FBLN1: variants seen among roughly 807,000 people sequenced by gnomAD.
FBLN1 encodes fibulin 1.
FBLN1 carries 34 observed loss-of-function variants against 89.7 expected under a neutral mutation model. That is an observed-to-expected ratio of 0.38 (90% CI 0.29 to 0.50). The LOEUF (loss-of-function observed/expected upper bound fraction) is 0.50. Ranked by LOEUF, FBLN1 falls within the 20% of genes least tolerant of loss-of-function variation. The pLI is 0.92. For synonymous variants in FBLN1, 393 were observed against 391.3 expected (o/e 1.00, Z -0.05); for missense variants, 777 against 988.1 (o/e 0.79, Z 2.86).
Position 45,600,294 on chromosome 22 carries a change from G to T in FBLN1, c.1973-13G>T, listed in dbSNP as rs763698530. The T allele has an allele frequency of 1.9e-6, 3 of 1,614,172 alleles. No homozygotes were observed. In the East Asian group the frequency reaches 6.7e-5, roughly 36 times the overall value. ...CCTTCTAACTTCCAGCACACCTTCT[G>T]CTCTCTCCGCAGGTGTCGTGCGCCA... On this transcript the variant is annotated splice_polypyrimidine_tract_variant and intron_variant, in intron 16 of 16. Transcript: ENST00000327858.
At chr22:45,586,260 G>A (rs1370945956) in intron 16 of FBLN1, among the ~76,000 whole-genome samples, 1 of 152,186 alleles carries the variant, frequency 6.6e-6, no homozygotes, top group African/African-American at 2.4e-5. Flanking sequence ...TCCAGCCCAG[G>A]ACCTGGCTAG....
chr22:45,585,110 TGA>T (rs146708801), intron 16 of FBLN1, among the ~76,000 whole-genome samples: 4 of 151,810 alleles, frequency 2.6e-5, no homozygotes, highest in African/African-American at 9.7e-5. Context: ...AGTTCATGTC[TGA>T]GAGAGAGAGA....
At position 45,503,925 on chromosome 22, in the gene FBLN1, G is replaced by A. The variant is rs565242284; in HGVS notation, c.79+861G>A. On this transcript the variant is annotated intron_variant, in intron 1 of 16. Coordinates refer to ENST00000327858, the MANE Select transcript of FBLN1 (RefSeq NM_006486.3). ...TCAAGGCCTGGTCCCTGGGGGGACT[G>A]CCACGAGGTCCTCTGATCAGAGCAG... 2.0e-3 allele frequency among the ~76,000 whole-genome samples: 302 copies of A among 152,238 alleles called. 1 individual carries two copies. Among genetic ancestry groups the A allele is most frequent in the Admixed American group, 4.0e-3 (61 of 15,300 alleles).
Position 45,562,531 on chromosome 22 carries a change from G to A in FBLN1, c.1697+11916G>A, listed in dbSNP as rs371263764. On this transcript the variant is annotated intron_variant, in intron 14 of 16. Transcript: ENST00000327858. This position sits in a 1 kb window ranked among gnomAD's most constrained non-coding sequence, Gnocchi z 7.8. ...GATAGTCATTTCATGGGTCACCTCC[G>A]AGACACAACCAAGAGCCCTGCGTAG... Among the ~76,000 whole-genome samples the A allele has an allele frequency of 5.6e-4, 85 of 152,170 alleles. No homozygotes were observed. The highest frequency in any genetic ancestry group is 1.8e-3 in the African/African-American group (76 of 41,426).
In FBLN1 at chr22:45,576,924, C is replaced by A. The variant is rs1005427293; in HGVS notation, c.1841-53C>A. 16 of 1,609,308 alleles carry A rather than the reference C, an allele frequency of 9.9e-6. No individual in the cohort carries two copies. Among genetic ancestry groups the A allele is most frequent in the Non-Finnish European group, 1.4e-5 (16 of 1,178,988 alleles). Reference sequence around the variant, plus strand: ...TGAGTTCCTGGGGACGAGGCTGGGACTGGGGCTGGGGCCAGGCTGTGCTGA... The same window carrying A: ...TGAGTTCCTGGGGACGAGGCTGGGAATGGGGCTGGGGCCAGGCTGTGCTGA... On this transcript the variant is annotated intron_variant, in intron 15 of 16. Coordinates refer to ENST00000327858, the MANE Select transcript of FBLN1 (RefSeq NM_006486.3). The surrounding 1 kb of genome is among the most constrained non-coding windows in gnomAD (Gnocchi z 5.2).
In FBLN1 at chr22:45,533,045, T is replaced by C. The variant is rs1476316214; in HGVS notation, c.545-18T>C. 1.9e-6 allele frequency: 3 copies of C among 1,610,970 alleles called. No homozygotes were observed. The highest frequency in any genetic ancestry group is 2.5e-6 in the Non-Finnish European group (3 of 1,177,276). On this transcript the variant is annotated intron_variant, in intron 5 of 16. Coordinates refer to ENST00000327858, the MANE Select transcript of FBLN1 (RefSeq NM_006486.3). The stretch of plus-strand genomic sequence containing the variant: ...CCTGGGTGCGTCCATCCCTGGCTCA[T>C]GCACGCTGTGCTTCCAGGAGGCGGG...
chr22:45,589,572 C>A (rs894914598), intron 16 of FBLN1, among the ~76,000 whole-genome samples: 2 of 152,214 alleles, frequency 1.3e-5, no homozygotes, highest in African/African-American at 4.8e-5. Context: ...GCAGGGGGCC[C>A]CTTTCTGCCC....
intron 2 of FBLN1, among the ~76,000 whole-genome samples, chr22:45,523,911 G>A (rs1438083105): frequency 6.6e-6 from 1 of 152,150 alleles, no homozygotes; most frequent in African/African-American, 2.4e-5. Flanking sequence ...CAATGCACAC[G>A]GGTTCCAGCA....
At chr22:45,510,280 C>T (rs1256989877) in intron 1 of FBLN1, among the ~76,000 whole-genome samples, 1 of 152,054 alleles carries the variant, frequency 6.6e-6, no homozygotes, top group Non-Finnish European at 1.5e-5. Context: ...TTGTAGAGGT[C>T]CCTGGATCCT....
chr22:45,542,132 T>A, intron 9 of FBLN1, 23 bp from the exon 10 acceptor site: 1 of 1,614,176 alleles, frequency 6.2e-7, no homozygotes, highest in Non-Finnish European at 8.5e-7. Context: ...GTTTTCATCA[T>A]GGCTTTCTTT....
chr22:45,595,519 C>T (rs1569270023), intron 16 of FBLN1, among the ~76,000 whole-genome samples: 1 of 152,192 alleles, frequency 6.6e-6, no homozygotes, highest in Admixed American at 6.5e-5. Context: ...TGTGGTCCTT[C>T]CTTTCTAGTT....
rs1382863195 is a variant in FBLN1 at position 45,556,401 on chromosome 22, C to T, written c.1697+5786C>T. Among the ~76,000 whole-genome samples the T allele has an allele frequency of 1.3e-5, 2 of 151,878 alleles. No homozygotes were observed. Among genetic ancestry groups the T allele is most frequent in the Non-Finnish European group, 2.9e-5 (2 of 67,998 alleles). On this transcript the variant is annotated intron_variant, in intron 14 of 16. Transcript: ENST00000327858. The surrounding 1 kb of genome is among the most constrained non-coding windows in gnomAD (Gnocchi z 4.6). Reference sequence around the variant, plus strand: ...ATTGATGACTGCCTTCTTCTACTACCCATTCTGTATTCCCTTTGCCTTCAG... The same window carrying T: ...ATTGATGACTGCCTTCTTCTACTACTCATTCTGTATTCCCTTTGCCTTCAG...
intron 16 of FBLN1, among the ~76,000 whole-genome samples, chr22:45,589,297 C>T (rs1350981069): frequency 6.6e-6 from 1 of 152,042 alleles, no homozygotes; most frequent in Non-Finnish European, 1.5e-5. Flanking sequence ...GGGGTTCCTG[C>T]TGTCATGACT....
chr22:45,580,743 C>T lies in FBLN1; in HGVS notation c.1972+3635C>T, dbSNP rs1201686604. Reference sequence around the variant, plus strand: ...TTGGATGTCCCAGAAAAACAATCAGCGCACAGGCCCCGGGGCTCGCCGTGT... The same window carrying T: ...TTGGATGTCCCAGAAAAACAATCAGTGCACAGGCCCCGGGGCTCGCCGTGT... On this transcript the variant is annotated intron_variant, in intron 16 of 16. Coordinates refer to ENST00000327858, the MANE Select transcript of FBLN1 (RefSeq NM_006486.3). This position sits in a 1 kb window ranked among gnomAD's most constrained non-coding sequence, Gnocchi z 8.6. Among the ~76,000 whole-genome samples the T allele has an allele frequency of 2.6e-5, 4 of 152,128 alleles. No individual in the cohort carries two copies. Among genetic ancestry groups the T allele is most frequent in the African/African-American group, 9.7e-5 (4 of 41,418 alleles).
chr22:45,544,424 C>T (rs969738463), intron 11 of FBLN1, among the ~76,000 whole-genome samples: 3 of 152,198 alleles, frequency 2.0e-5, no homozygotes, highest in Admixed American at 2.0e-4. Context: ...CTTTCCCCAC[C>T]CGCAGAGACA....
At chr22:45,518,024 C>G (rs1472659687) in intron 1 of FBLN1, among the ~76,000 whole-genome samples, 1 of 148,836 alleles carries the variant, frequency 6.7e-6, no homozygotes, top group Non-Finnish European at 1.5e-5. Context: ...CCCAGCTACT[C>G]AGGAGGCTGA....
intron 16 of FBLN1, among the ~76,000 whole-genome samples, chr22:45,586,311 G>A (rs1181880722): frequency 1.3e-5 from 2 of 152,214 alleles, no homozygotes; most frequent in Non-Finnish European, 1.5e-5. Flanking sequence ...ACCCCCTGCC[G>A]TGGCCGCCTC....
In FBLN1 at chr22:45,542,248, G is replaced by C; in HGVS notation, c.1160G>C (p.Gly387Ala). ...AGTTTCCGCTGCGAATGCAAGACGG[G>C]TTACTATTTTGACGGCATCAGCAGG... is the stretch of plus-strand genomic sequence containing the variant. ...PGSFRCECKT[G>A]YYFDGISRMC... Residue 387 changes from glycine (G) to alanine (A), a missense_variant, in exon 10 of 17, where the codon GGT becomes GCT. Transcript: ENST00000327858. 1 of 1,614,108 alleles carries C rather than the reference G, an allele frequency of 6.2e-7. No individual in the cohort carries two copies. Among genetic ancestry groups the C allele is most frequent in the Non-Finnish European group, 8.5e-7 (1 of 1,180,036 alleles).
At chr22:45,520,488 C>G (rs1218772814) in intron 2 of FBLN1, among the ~76,000 whole-genome samples, 1 of 152,154 alleles carries the variant, frequency 6.6e-6, no homozygotes, top group East Asian at 1.9e-4. Context: ...TACAGCCTGC[C>G]CTAACAACCT....
Sources: allele counts gnomAD v4.1 joint callset (sites outside exome capture counted in the v4.1 genomes callset), GRCh38; gene constraint gnomAD v4.1.1; non-coding constraint Gnocchi (gnomAD v3.1); transcripts MANE v1.5; gene names NCBI Gene and HGNC (gene_info 2026-07-23, HGNC 2026-07-21).